Variants in SCN8A observed in about 807,000 individuals in gnomAD.
SCN8A encodes sodium voltage-gated channel alpha subunit 8.
Under a neutral mutation model 184.1 loss-of-function variants are expected in SCN8A, and 30 were observed. The ratio of observed to expected loss-of-function variants is 0.16; its 90% CI spans 0.12 to 0.22. The LOEUF (loss-of-function observed/expected upper bound fraction) is 0.22, where lower values mean the gene tolerates loss of function less well. Ranked by LOEUF, SCN8A falls within the 10% of genes least tolerant of loss-of-function variation. SCN8A has a pLI of 1.00. For missense variants in SCN8A, 1,057 were observed against 2,498.9 expected, an observed-to-expected ratio of 0.42 and a Z score of 12.30; for synonymous variants, 852 against 907.0, an observed-to-expected ratio of 0.94 and a Z score of 1.09.
Position 51,766,112 on chromosome 12 carries a change from G to C in SCN8A, c.2901+85G>C, listed in dbSNP as rs896457901. ...GAAGCCCAAGTCCTTCTACTGCTTAGTCCTTCTACTACCCGTCATGTTTGT... is the reference window on the plus strand; with the variant it reads ...GAAGCCCAAGTCCTTCTACTGCTTACTCCTTCTACTACCCGTCATGTTTGT... On this transcript the variant is annotated intron_variant, in intron 16 of 26. Coordinates refer to ENST00000627620, the MANE Select transcript of SCN8A (RefSeq NM_001330260.2). 3.0e-6 allele frequency: 3 copies of C among 1,007,080 alleles called. No homozygotes were observed. In the African/African-American group the frequency reaches 4.7e-5, roughly 16 times the overall value. 62.4% of individuals were successfully genotyped at this position (1,007,080 alleles called of 1,614,324 possible).
chr12:51,796,811 A>G (rs1252546940), intron 26 of SCN8A, among the ~76,000 whole-genome samples: 1 of 152,212 alleles, frequency 6.6e-6, no homozygotes, highest in Non-Finnish European at 1.5e-5. Flanking sequence ...AAAGCTGAAG[A>G]ACTCAGAGTC....
chr12:51,742,504 A>G (rs1942442754), intron 12 of SCN8A, among the ~76,000 whole-genome samples: 1 of 152,020 alleles, frequency 6.6e-6, no homozygotes, highest in Admixed American at 6.5e-5. Context: ...CAGCACTTTA[A>G]ATATATCATT....
chr12:51,791,733 GC>G (rs899889248), intron 25 of SCN8A, among the ~76,000 whole-genome samples: 22 of 152,226 alleles, frequency 1.4e-4, no homozygotes, highest in African/African-American at 5.1e-4. Flanking sequence ...GTAAAAAGTA[GC>G]TGGGCGTGGT....
chr12:51,651,935 G>A (rs1940723203), intron 1 of SCN8A, among the ~76,000 whole-genome samples: 1 of 152,180 alleles, frequency 6.6e-6, no homozygotes, highest in South Asian at 2.1e-4. Flanking sequence ...TGAAGCTGAT[G>A]TTTCACTTGA....
chr12:51,603,603 A>C (rs1225392878), intron 1 of SCN8A, among the ~76,000 whole-genome samples: 2 of 152,200 alleles, frequency 1.3e-5, no homozygotes, highest in East Asian at 1.9e-4. Context: ...CTTTATAAGC[A>C]ACTAACAACT....
At chr12:51,734,798 T>C (rs1169293657) in intron 12 of SCN8A, among the ~76,000 whole-genome samples, 1 of 152,228 alleles carries the variant, frequency 6.6e-6, no homozygotes, top group African/African-American at 2.4e-5. Flanking sequence ...AGAATCTGCA[T>C]CTGCAGACTA....
At chr12:51,646,950 C>T (rs1302729625) in intron 1 of SCN8A, among the ~76,000 whole-genome samples, 3 of 152,140 alleles carry the variant, frequency 2.0e-5, no homozygotes, top group East Asian at 1.9e-4. Context: ...ATGGAACTTG[C>T]TCAGAGAAGC....
intron 26 of SCN8A, among the ~76,000 whole-genome samples, chr12:51,802,250 G>T (rs1170695328): frequency 1.3e-5 from 2 of 152,104 alleles, no homozygotes; most frequent in Non-Finnish European, 2.9e-5. Context: ...CTCAAGCATT[G>T]CAGGGTTAAT....
intron 12 of SCN8A, among the ~76,000 whole-genome samples, chr12:51,729,083 A>T (rs1369881025): frequency 6.6e-6 from 1 of 152,158 alleles, no homozygotes; most frequent in Non-Finnish European, 1.5e-5. Flanking sequence ...CATTTGGTTG[A>T]TCTTTATTTC....
intron 14 of SCN8A, among the ~76,000 whole-genome samples, chr12:51,755,442 C>T (rs754491634): frequency 2.8e-4 from 43 of 152,254 alleles, no homozygotes; most frequent in South Asian, 6.2e-4. Flanking sequence ...AGGATACTTT[C>T]GTGTTTTTCC....
At position 51,626,543 on chromosome 12, in the gene SCN8A, C is replaced by A. The variant is rs527858913; in HGVS notation, c.-55+35184C>A. On this transcript the variant is annotated intron_variant, in intron 1 of 26. Transcript: ENST00000627620. ...GAGCTCGTGATATATCATGAAAAAC[C>A]ATTCATTCATTAATTAAGCAAACAT... is the stretch of plus-strand genomic sequence containing the variant. Among the ~76,000 whole-genome samples, 16 of 152,182 alleles carry A rather than the reference C, an allele frequency of 1.1e-4. No homozygotes were observed. The South Asian group carries it at 2.9e-3, about 28-fold the overall frequency.
At chr12:51,591,676 T>G (rs1363398372) in intron 1 of SCN8A, among the ~76,000 whole-genome samples, 1 of 152,120 alleles carries the variant, frequency 6.6e-6, no homozygotes, top group Non-Finnish European at 1.5e-5. Flanking sequence ...TGGTGCCCCT[T>G]CCGCGGTGCA....
chr12:51,743,444 G>T (rs756073409), intron 12 of SCN8A, among the ~76,000 whole-genome samples: 1 of 152,192 alleles, frequency 6.6e-6, no homozygotes, highest in Non-Finnish European at 1.5e-5. Flanking sequence ...CCACCTTGGT[G>T]GTCTTGGATA....
chr12:51,748,333 G>A (rs1287636640), intron 13 of SCN8A, among the ~76,000 whole-genome samples: 5 of 152,136 alleles, frequency 3.3e-5, no homozygotes, highest in Non-Finnish European at 5.9e-5. Flanking sequence ...AAACCACAGT[G>A]GAGAATTCTA....
chr12:51,766,331 A>G (rs572641160), intron 16 of SCN8A: 2 of 427,078 alleles, frequency 4.7e-6, no homozygotes, highest in East Asian at 4.6e-5. Flanking sequence ...CCTAGACTTT[A>G]AAGTCTGTGC....
At chr12:51,710,345 T>A (rs1371555169) in intron 11 of SCN8A, among the ~76,000 whole-genome samples, 1 of 152,204 alleles carries the variant, frequency 6.6e-6, no homozygotes, top group Non-Finnish European at 1.5e-5. Context: ...CTACCCTCTG[T>A]GGTTTGCTCA....
chr12:51,594,158 A>G (rs1800908593), intron 1 of SCN8A, among the ~76,000 whole-genome samples: 1 of 152,202 alleles, frequency 6.6e-6, no homozygotes, highest in African/African-American at 2.4e-5. Context: ...CAATACAGGA[A>G]TCTCCTTTAT....
chr12:51,686,521 T>C (rs1490101884), intron 4 of SCN8A, 64 bp downstream of exon 4: 1 of 1,130,196 alleles, frequency 8.8e-7, no homozygotes, highest in African/African-American at 1.5e-5. Flanking sequence ...AAATCTTGCT[T>C]TGCCACAGTT....
At chr12:51,706,821 A>G in intron 11 of SCN8A, 106 bp downstream of exon 11, 5 of 796,920 alleles carry the variant, frequency 6.3e-6, no homozygotes, top group Non-Finnish European at 9.1e-6. Context: ...TGTACCGTTC[A>G]GTGTTAAGCA....
Sources: gnomAD v4.1 joint callset for allele counts (sites outside exome capture counted in the v4.1 genomes callset) on GRCh38, gnomAD v4.1.1 for gene constraint, MANE v1.5 for transcripts, NCBI Gene and HGNC (gene_info 2026-07-23, HGNC 2026-07-21) for gene names.